TNFRSF8: variants seen among roughly 807,000 people sequenced by gnomAD.
The protein encoded by TNFRSF8 is tumor necrosis factor receptor superfamily member 8.
TNFRSF8 carries 26 observed loss-of-function variants against 70.8 expected under a neutral mutation model. The observed-to-expected ratio is 0.37, with a 90% CI of 0.27 to 0.51. The LOEUF (loss-of-function observed/expected upper bound fraction) is 0.51, where lower values mean the gene tolerates loss of function less well. Ranked by LOEUF, TNFRSF8 falls within the 20% of genes least tolerant of loss-of-function variation. The pLI is 0.94. For missense variants in TNFRSF8, 720 were observed against 807.9 expected (o/e 0.89, Z 1.32); for synonymous variants, 356 against 339.2 (o/e 1.05, Z -0.54).
intron 1 of TNFRSF8, among the ~76,000 whole-genome samples, chr1:12,065,315 T>C (rs2100936169): frequency 6.6e-6 from 1 of 152,258 alleles, no homozygotes; most frequent in African/African-American, 2.4e-5. Context: ...ACTCCTGACC[T>C]CAAGTGATCC....
At position 12,112,194 on chromosome 1, in the gene TNFRSF8, C is replaced by T. The variant is rs926836450; in HGVS notation, c.793+180C>T. ...GCGTTTGTGAATCACCCACCTGTTC[C>T]AAACTCGGCTCATCAATGTTTGTAA... On this transcript the variant is annotated intron_variant, in intron 7 of 14. Transcript: ENST00000263932. The surrounding 1 kb of genome is among the most constrained non-coding windows in gnomAD (Gnocchi z 5.3). Among the ~76,000 whole-genome samples the T allele has an allele frequency of 2.0e-5, 3 of 152,098 alleles. No homozygotes were observed. The highest frequency in any genetic ancestry group is 7.2e-5 in the African/African-American group (3 of 41,426).
rs201106415 is a variant in TNFRSF8 at position 12,142,347 on chromosome 1, C to T, written c.1604C>T (p.Pro535Leu). The change falls in exon 15 of 15, where the codon CCG (proline) becomes CTG (leucine). Residue 535 changes from proline (P) to leucine (L), a missense_variant. Transcript: ENST00000263932. The surrounding 1 kb of genome is among the most constrained non-coding windows in gnomAD (Gnocchi z 5.0). ...GTGGGGACCGTGAAGGCTGAGCTGC[C>T]GGAGGGCCGGGGCCTGGCGGGGCCA... ...VIVGTVKAELPEGRGLAGPAE... is the reference protein window; with the variant it reads ...VIVGTVKAELLEGRGLAGPAE... The T allele has an allele frequency of 1.7e-5, 28 of 1,607,056 alleles. No individual in the cohort carries two copies. The highest frequency in any genetic ancestry group is 4.5e-5 in the East Asian group (2 of 44,686).
At position 12,104,475 on chromosome 1, in the gene TNFRSF8, G is replaced by A; in HGVS notation, c.365G>A (p.Cys122Tyr). 6.2e-7 allele frequency: 1 copy of A among 1,614,186 alleles called. No homozygotes were observed. ...TGTTCCACGTCTGCCGTCAACTCCTGTGCCCGCTGCTTCTTCCATTCTGTC... is the reference window on the plus strand; with the variant it reads ...TGTTCCACGTCTGCCGTCAACTCCTATGCCCGCTGCTTCTTCCATTCTGTC... ...MFCSTSAVNS[C>Y]ARCFFHSVCP... is the part of the protein sequence containing the mutation. The change falls in exon 4 of 15, where the codon TGT becomes TAT. Residue 122 changes from cysteine to tyrosine, a missense_variant. Physicochemically the swap from Cys to Tyr is radical, Grantham distance 194. Coordinates refer to ENST00000263932, the MANE Select transcript of TNFRSF8 (RefSeq NM_001243.5).
chr1:12,115,642 A>C lies in TNFRSF8; in HGVS notation c.859A>C (p.Met287Leu). 6.2e-7 allele frequency: 1 copy of C among 1,614,180 alleles called. No homozygotes were observed. The highest frequency in any genetic ancestry group is 8.5e-7 in the Non-Finnish European group (1 of 1,180,028). The change falls in exon 8 of 15, where the codon ATG (methionine) becomes CTG (leucine). Residue 287 changes from methionine (M) to leucine (L), a missense_variant. Met to Leu is a conservative substitution (Grantham distance 15). Transcript: ENST00000263932. ...CCGCACCTGCGAATGTCGACCTGGC[A>C]TGATCTGTGCCACATCAGCCACCAA... is the stretch of plus-strand genomic sequence containing the variant. The part of the protein sequence containing the change: ...SSRTCECRPG[M>L]ICATSATNSC...
At chr1:12,084,770 T>G (rs1278194033) in intron 2 of TNFRSF8, among the ~76,000 whole-genome samples, 1 of 152,182 alleles carries the variant, frequency 6.6e-6, no homozygotes, top group East Asian at 1.9e-4. Flanking sequence ...CACCAGAATG[T>G]CCATCTCCAT....
chr1:12,140,495 G>T (rs1365607201), intron 14 of TNFRSF8, among the ~76,000 whole-genome samples: 1 of 152,166 alleles, frequency 6.6e-6, no homozygotes, highest in Non-Finnish European at 1.5e-5. Flanking sequence ...GCTCTGGGGA[G>T]GGGGCAGGAA....
chr1:12,105,316 C>G lies in TNFRSF8; in HGVS notation c.421+785C>G, dbSNP rs11569862. ...GAGTCCCATGCCCTGTTGTGCAAAC[C>G]TGGGGATTGGCAGTCACCCCCATCG... On this transcript the variant is annotated intron_variant, in intron 4 of 14. Transcript: ENST00000263932. Among the ~76,000 whole-genome samples the G allele has an allele frequency of 9.0e-3, 1,365 of 152,294 alleles. 25 individuals are homozygous for G. Among genetic ancestry groups the G allele is most frequent in the African/African-American group, 0.031 (1,296 of 41,562 alleles).
chr1:12,119,789 T>C lies in TNFRSF8; in HGVS notation c.947-3495T>C, dbSNP rs1641796403. ...GCCGATTCTTGTACAAGTCTTTGGG[T>C]GGATGTATATTTTCATTTTTCATGG... On this transcript the variant is annotated intron_variant, in intron 8 of 14. Coordinates refer to ENST00000263932, the MANE Select transcript of TNFRSF8 (RefSeq NM_001243.5). This position sits in a 1 kb window ranked among gnomAD's most constrained non-coding sequence, Gnocchi z 4.4. Among the ~76,000 whole-genome samples, 1 of 152,100 alleles carries C rather than the reference T, an allele frequency of 6.6e-6. No individual in the cohort carries two copies. Among genetic ancestry groups the C allele is most frequent in the East Asian group, 1.9e-4 (1 of 5,168 alleles).
intron 3 of TNFRSF8, among the ~76,000 whole-genome samples, chr1:12,099,493 G>C (rs766920660): frequency 6.6e-6 from 1 of 151,932 alleles, no homozygotes. Context: ...TTGTTGTCCA[G>C]GCTGGCCTTA....
Position 12,109,800 on chromosome 1 carries a change from T to C in TNFRSF8, c.512+144T>C. On this transcript the variant is annotated intron_variant, in intron 5 of 14. Coordinates refer to ENST00000263932, the MANE Select transcript of TNFRSF8 (RefSeq NM_001243.5). The surrounding 1 kb of genome is among the most constrained non-coding windows in gnomAD (Gnocchi z 4.4). ...TGGTGTCAGCACTTTGGGGTGCCTC[T>C]CTGCCAAGCCCCTCAGATCATTTGA... is the stretch of plus-strand genomic sequence containing the variant. 2.4e-6 allele frequency: 2 copies of C among 834,574 alleles called. No individual in the cohort carries two copies. Among genetic ancestry groups the C allele is most frequent in the South Asian group, 3.3e-5 (2 of 59,978 alleles). The allele number at this position is 834,574 out of a possible 1,614,324, so 51.7% of individuals were successfully genotyped here. A position where few individuals can be genotyped will look rare whatever the true frequency, so the allele number is the denominator to read the frequency against.
At chr1:12,090,147 T>C (rs1224912848) in intron 2 of TNFRSF8, among the ~76,000 whole-genome samples, 1 of 141,840 alleles carries the variant, frequency 7.1e-6, no homozygotes, top group Non-Finnish European at 1.5e-5. Context: ...TCCCCATCCA[T>C]CTATCTACCC....
At chr1:12,137,857 T>C (rs1002605877) in intron 13 of TNFRSF8, among the ~76,000 whole-genome samples, 3 of 152,028 alleles carry the variant, frequency 2.0e-5, no homozygotes, top group African/African-American at 7.2e-5. Context: ...TTATTGATGG[T>C]ATAACCCTGG....
chr1:12,064,141 G>C (rs1208478329), intron 1 of TNFRSF8, among the ~76,000 whole-genome samples: 5 of 152,188 alleles, frequency 3.3e-5, no homozygotes, highest in African/African-American at 1.2e-4. Flanking sequence ...AGGAAAGGAG[G>C]GAGAGTTGGC....
Position 12,142,353 on chromosome 1 carries a change from GC to G in TNFRSF8, c.1612del (p.Arg538GlyfsTer93). On this transcript the variant is annotated frameshift_variant, in exon 15 of 15. Transcript: ENST00000263932. LOFTEE classifies it high-confidence loss of function. The surrounding 1 kb of genome is among the most constrained non-coding windows in gnomAD (Gnocchi z 5.0). Reference sequence around the variant, plus strand: ...ACCGTGAAGGCTGAGCTGCCGGAGGGCCGGGGCCTGGCGGGGCCAGCAGAGC... The same window carrying G: ...ACCGTGAAGGCTGAGCTGCCGGAGGGCGGGGCCTGGCGGGGCCAGCAGAGC... ...VGTVKAELPE[G>X]RGLAGPAEPE... is the part of the protein sequence containing the mutation. 1 of 1,608,370 alleles carries G rather than the reference GC, an allele frequency of 6.2e-7. No homozygotes were observed. Among genetic ancestry groups the G allele is most frequent in the Non-Finnish European group, 8.5e-7 (1 of 1,177,594 alleles).
intron 2 of TNFRSF8, among the ~76,000 whole-genome samples, chr1:12,085,941 G>A (rs1641146037): frequency 6.6e-6 from 1 of 152,232 alleles, no homozygotes; most frequent in Non-Finnish European, 1.5e-5. Flanking sequence ...TCAGCCTTTA[G>A]CTGTGCCAGC....
rs1278044430 is a variant in TNFRSF8 at position 12,108,674 on chromosome 1, G to T, written c.422-892G>T. On this transcript the variant is annotated intron_variant, in intron 4 of 14. Coordinates refer to ENST00000263932, the MANE Select transcript of TNFRSF8 (RefSeq NM_001243.5). The surrounding 1 kb of genome is among the most constrained non-coding windows in gnomAD (Gnocchi z 4.0). ...TGTCTCTACTAAAAATTAGCCGGGC[G>T]TGGTTGCAGGCACCTGTAATCCCAG... Among the ~76,000 whole-genome samples, 1 of 152,116 alleles carries T rather than the reference G, an allele frequency of 6.6e-6. No homozygotes were observed. The highest frequency in any genetic ancestry group is 2.4e-5 in the African/African-American group (1 of 41,430).
At position 12,115,686 on chromosome 1, in the gene TNFRSF8, C is replaced by A. The variant is rs781425743; in HGVS notation, c.903C>A (p.Val301=). Residue 301 remains valine, a synonymous_variant, in exon 8 of 15, where the codon GTC becomes GTA. Coordinates refer to ENST00000263932, the MANE Select transcript of TNFRSF8 (RefSeq NM_001243.5). ...TSATNSCARC[V]PYPICAAETV... ...CCACCAACTCCTGTGCCCGCTGTGT[C>A]CCCTACCCAATCTGTGCAGCAGAGA... 2.5e-6 allele frequency: 4 copies of A among 1,614,204 alleles called. No homozygotes were observed. Among genetic ancestry groups the A allele is most frequent in the Non-Finnish European group, 3.4e-6 (4 of 1,180,040 alleles).
rs58965655 is a variant in TNFRSF8 at position 12,076,086 on chromosome 1, C to CTCTT, written c.64-8377_64-8376insCTTT. Among the ~76,000 whole-genome samples, 1,190 of 134,416 alleles carry CTCTT rather than the reference C, an allele frequency of 8.9e-3. 17 individuals carry two copies. Among genetic ancestry groups the CTCTT allele is most frequent in the African/African-American group, 0.033 (1,102 of 33,742 alleles). The allele number at this position is 134,416 out of a possible 152,430, so 88.2% of individuals were successfully genotyped here. A position where few individuals can be genotyped will look rare whatever the true frequency, so the allele number is the denominator to read the frequency against. ...GCCAGAAGGCCTTCTTGGTTTTATTCTTTTTTTTTTCTTTTTCTTTTTTTT... is the reference window on the plus strand; with the variant it reads ...GCCAGAAGGCCTTCTTGGTTTTATTCTCTTTTTTTTTTTTCTTTTTCTTTTTTTT... On this transcript the variant is annotated intron_variant, in intron 1 of 14. Coordinates refer to ENST00000263932, the MANE Select transcript of TNFRSF8 (RefSeq NM_001243.5).
chr1:12,126,743 G>A (rs1264662102), intron 12 of TNFRSF8, among the ~76,000 whole-genome samples: 3 of 152,226 alleles, frequency 2.0e-5, no homozygotes, highest in African/African-American at 7.2e-5. Flanking sequence ...GTGACCCTGG[G>A]TGAGTTACTG....
Sources: allele counts gnomAD v4.1 joint callset (sites outside exome capture counted in the v4.1 genomes callset), GRCh38; gene constraint gnomAD v4.1.1; non-coding constraint Gnocchi (gnomAD v3.1); transcripts MANE v1.5; gene names NCBI Gene and HGNC (gene_info 2026-07-23, HGNC 2026-07-21).